UBR4: variants seen among roughly 807,000 people sequenced by gnomAD.
UBR4 encodes ubiquitin protein ligase E3 component n-recognin 4.
UBR4 carries 124 observed loss-of-function variants against 575.6 expected under a neutral mutation model. The observed-to-expected ratio is 0.22, with a 90% confidence interval of 0.19 to 0.25. The LOEUF (loss-of-function observed/expected upper bound fraction) is 0.25, where lower values mean the gene tolerates loss of function less well. UBR4 is among the 10% of genes least tolerant of loss of function. The pLI is 1.00. For missense variants in UBR4, 4,818 were observed against 6,478.8 expected (o/e 0.74, Z 8.80); for synonymous variants, 2,455 against 2,473.7 (o/e 0.99, Z 0.22).
At position 19,104,597 on chromosome 1, in the gene UBR4, T is replaced by C; in HGVS notation, c.12715A>G (p.Lys4239Glu). The C allele has an allele frequency of 1.2e-6, 2 of 1,614,120 alleles. No homozygotes were observed. Among genetic ancestry groups the C allele is most frequent in the Non-Finnish European group, 1.7e-6 (2 of 1,179,994 alleles). The change falls in exon 86 of 106, where the codon AAA (lysine) becomes GAA (glutamate). Residue 4239 changes from lysine to glutamate, a missense_variant. By Grantham distance (56) the Lys-to-Glu change is moderately conservative (BLOSUM62 1). Transcript: ENST00000375254. ...STDLQQGYAL[K>E]SLTGLLSSFV... ...GGTGGCTCTTTACCTGTGAGACTTT[T>C]AAGGGCATAACCCTGCTGCAGATCG...
At chr1:19,194,201 AATAAT>A (rs1351790788) in intron 8 of UBR4, among the ~76,000 whole-genome samples, 3 of 152,252 alleles carry the variant, frequency 2.0e-5, no homozygotes, top group African/African-American at 7.2e-5. Flanking sequence ...TTCAGTTAAT[AATAAT>A]ATATCAATAC....
At chr1:19,207,612 C>A (rs2093074551) in intron 1 of UBR4, among the ~76,000 whole-genome samples, 1 of 152,038 alleles carries the variant, frequency 6.6e-6, no homozygotes, top group African/African-American at 2.4e-5. Flanking sequence ...CTGGGTGACA[C>A]AGCAAGACTC....
intron 73 of UBR4, among the ~76,000 whole-genome samples, chr1:19,116,705 T>C (rs753663309): frequency 2.0e-4 from 31 of 152,206 alleles, no homozygotes; most frequent in Admixed American, 1.1e-3. Flanking sequence ...TGACATGCCC[T>C]GGTTCAGTCA....
At chr1:19,190,312 A>AAAAAATATATATATATAT in intron 11 of UBR4, among the ~76,000 whole-genome samples, 46 of 79,864 alleles carry the variant, frequency 5.8e-4, no homozygotes, top group Non-Finnish European at 9.2e-4. Flanking sequence ...AAAAAAAAAA[A>AAAAAATATATATATATAT]ATATATATAT....
rs914012878 is a variant in UBR4, at chr1:19,107,316, A to T, written c.12106-350T>A. On this transcript the variant is annotated intron_variant, in intron 81 of 105. Transcript: ENST00000375254. ...GGGTCACAAGCAGCCTCCAGAATGCAAACTGTCACTAACCAGAAGCAGCCT... is the reference window on the plus strand; with the variant it reads ...GGGTCACAAGCAGCCTCCAGAATGCTAACTGTCACTAACCAGAAGCAGCCT... 2.6e-5 allele frequency among the ~76,000 whole-genome samples: 4 copies of T among 152,272 alleles called. No homozygotes were observed. In the South Asian group the frequency reaches 8.3e-4, roughly 32 times the overall value.
chr1:19,163,898 T>A (rs1016288687), intron 33 of UBR4, 71 bp from the exon 34 acceptor site: 1 of 1,497,142 alleles, frequency 6.7e-7, no homozygotes, highest in Non-Finnish European at 9.3e-7. Context: ...AAATGAGGCA[T>A]CTTCATTAAC....
At position 19,122,009 on chromosome 1, in the gene UBR4, C is replaced by G; in HGVS notation, c.9820G>C (p.Glu3274Gln). ...LQYDTLISLM[E>Q]HLKACAEIAA... ...ATCTCTGCACAGGCTTTCAGGTGCT[C>G]CATCTGAAATAGGAACCAACCACGG... is the stretch of plus-strand genomic sequence containing the variant. Residue 3274 changes from glutamate to glutamine, a missense_variant, in exon 67 of 106, where the codon GAG (glutamate) becomes CAG (glutamine). Glu to Gln is a conservative substitution (Grantham distance 29). This residue lies in a region of UBR4 where 550 missense variants were observed against 791.5 expected (regional missense o/e 0.69). Coordinates refer to ENST00000375254, the MANE Select transcript of UBR4 (RefSeq NM_020765.3). 1 of 1,614,048 alleles carries G rather than the reference C, an allele frequency of 6.2e-7. No individual in the cohort carries two copies. Among genetic ancestry groups the G allele is most frequent in the Non-Finnish European group, 8.5e-7 (1 of 1,179,972 alleles).
intron 58 of UBR4, 115 bp downstream of exon 58, chr1:19,140,673 G>GCA: frequency 9.3e-7 from 1 of 1,078,504 alleles, no homozygotes; most frequent in Non-Finnish European, 1.3e-6. Flanking sequence ...CAAGGCAGAA[G>GCA]CAGGAAGTCC....
chr1:19,081,151 A>G, intron 103 of UBR4, 198 bp downstream of exon 103: 1 of 546,876 alleles, frequency 1.8e-6, no homozygotes, highest in South Asian at 2.8e-5. Context: ...AGCGGAACAG[A>G]AAACCCAGAA....
chr1:19,185,393 A>C, intron 14 of UBR4, 107 bp from the exon 15 acceptor site: 2 of 1,098,742 alleles, frequency 1.8e-6, no homozygotes, highest in East Asian at 5.4e-5. Context: ...AGGATATCCC[A>C]ATTGTGATGA....
Position 19,165,317 on chromosome 1 carries a change from G to A in UBR4, c.4244C>T (p.Ala1415Val), listed in dbSNP as rs773956736. ...GELVQIMMATANENLSAKFCN... is the reference protein window; with the variant it reads ...GELVQIMMATVNENLSAKFCN... ...GAATTTAGCAGAGAGGTTCTCATTG[G>A]CTGTTGCCATCATGATCTGTACAAG... The change falls in exon 31 of 106, where the codon GCC (alanine) becomes GTC (valine). Residue 1415 changes from alanine to valine, a missense_variant. Coordinates refer to ENST00000375254, the MANE Select transcript of UBR4 (RefSeq NM_020765.3). The A allele has an allele frequency of 6.8e-6, 11 of 1,614,040 alleles. No homozygotes were observed.
intron 11 of UBR4, among the ~76,000 whole-genome samples, chr1:19,188,193 A>G (rs1187436866): frequency 6.6e-6 from 1 of 152,186 alleles, no homozygotes. Context: ...TTAAAGAATC[A>G]TTATTTTGAA....
rs754124497 is a variant in UBR4, at chr1:19,093,930, T to C, written c.13937+19A>G. The C allele has an allele frequency of 8.1e-6, 13 of 1,603,640 alleles. No homozygotes were observed. The highest frequency in any genetic ancestry group is 1.1e-5 in the Non-Finnish European group (13 of 1,172,562). On this transcript the variant is annotated intron_variant, in intron 95 of 105. Transcript: ENST00000375254. The surrounding 1 kb of genome is among the most constrained non-coding windows in gnomAD (Gnocchi z 4.8). The stretch of plus-strand genomic sequence containing the variant: ...TAGTGGAGACTCTCATTTCACTATA[T>C]GAAATCAAAGTAACATACTTATCAA...
In UBR4 at chr1:19,081,587, G is replaced by C. The variant is rs781478542; in HGVS notation, c.15009-14C>G. 6.2e-7 allele frequency: 1 copy of C among 1,613,664 alleles called. No individual in the cohort carries two copies. The highest frequency in any genetic ancestry group is 8.5e-7 in the Non-Finnish European group (1 of 1,179,888). ...GTTGCTCGGGTTCTAGAAGAAAAGC[G>C]GCATGATAAAATAAAAGCAGGGTGG... On this transcript the variant is annotated splice_polypyrimidine_tract_variant and intron_variant, in intron 102 of 105. Transcript: ENST00000375254.
At chr1:19,148,286 T>A (rs2085151508) in intron 50 of UBR4, among the ~76,000 whole-genome samples, 159 bp from the exon 51 acceptor site, 1 of 151,980 alleles carries the variant, frequency 6.6e-6, no homozygotes, top group African/African-American at 2.4e-5. Context: ...GAAATTATAA[T>A]CCTCCTTCTT....
At chr1:19,150,160 T>A (rs1426932359) in intron 49 of UBR4, among the ~76,000 whole-genome samples, 1 of 152,138 alleles carries the variant, frequency 6.6e-6, no homozygotes, top group Middle Eastern at 3.2e-3. Flanking sequence ...TTGCTGGCAA[T>A]GTTATTATCA....
chr1:19,131,371 A>G (rs779480235), intron 60 of UBR4, among the ~76,000 whole-genome samples: 11 of 152,132 alleles, frequency 7.2e-5, no homozygotes, highest in African/African-American at 1.2e-4. Context: ...CAAAAACTGA[A>G]AATAAAACCA....
At chr1:19,126,373 T>C (rs1336691058) in intron 64 of UBR4, 73 bp downstream of exon 64, 5 of 1,582,806 alleles carry the variant, frequency 3.2e-6, no homozygotes, top group Non-Finnish European at 3.5e-6. Context: ...CCTTGAGCTC[T>C]CTGCACCGCG....
At chr1:19,186,772 ATAG>A in intron 13 of UBR4, 115 bp from the exon 14 acceptor site, 3 of 884,566 alleles carry the variant, frequency 3.4e-6, no homozygotes, top group Non-Finnish European at 5.1e-6. Flanking sequence ...ATGCCTCTTA[ATAG>A]CTCCCTTAAT....
Sources: gnomAD v4.1 joint callset for allele counts (sites outside exome capture counted in the v4.1 genomes callset) on GRCh38, gnomAD v4.1.1 for gene constraint, gnomAD v4.1.1 regional missense constraint, Gnocchi (gnomAD v3.1) non-coding constraint, MANE v1.5 for transcripts, NCBI Gene and HGNC (gene_info 2026-07-23, HGNC 2026-07-21) for gene names.